Variants in GPR39 observed in about 807,000 individuals in gnomAD.
GPR39 encodes the protein G protein-coupled receptor 39, also known as zinc sensing receptor.
A neutral mutation model predicts 18.4 loss-of-function variants in GPR39; 23 were observed. The ratio of observed to expected loss-of-function variants is 1.25; its 90% CI spans 0.90 to 1.77. The LOEUF is 1.77. GPR39 is among the 40% of genes most tolerant of loss of function. The pLI is 0.00. For synonymous variants in GPR39, 280 were observed against 257.9 expected, an observed-to-expected ratio of 1.09 and a Z score of -0.82; for missense variants, 647 against 602.4, an observed-to-expected ratio of 1.07 and a Z score of -0.78.
intron 1 of GPR39, among the ~76,000 whole-genome samples, chr2:132,426,723 T>C (rs948418729): frequency 6.6e-6 from 1 of 152,238 alleles, no homozygotes; most frequent in African/African-American, 2.4e-5. Context: ...AGAGCCATTC[T>C]GGCAAGCAGA....
At position 132,646,041 on chromosome 2, in the gene GPR39, A is replaced by G; in HGVS notation, c.*435A>G. On this transcript the variant is annotated 3_prime_UTR_variant, in exon 2 of 2. Coordinates refer to ENST00000329321, the MANE Select transcript of GPR39 (RefSeq NM_001508.3). Reference sequence around the variant, plus strand: ...TGCAGGAGGGGGTGGCATCTCCTTCAGCTTCAGCAGTGTGCCGAGAAGAGG... The same window carrying G: ...TGCAGGAGGGGGTGGCATCTCCTTCGGCTTCAGCAGTGTGCCGAGAAGAGG... 1 of 1,539,816 alleles carries G rather than the reference A, an allele frequency of 6.5e-7. No individual in the cohort carries two copies. The highest frequency in any genetic ancestry group is 1.3e-5 in the South Asian group (1 of 80,000).
chr2:132,534,789 T>A (rs1679717884), intron 1 of GPR39, among the ~76,000 whole-genome samples: 1 of 149,998 alleles, frequency 6.7e-6, no homozygotes, highest in Admixed American at 6.7e-5. Flanking sequence ...AATTGAACAA[T>A]GAGAACACAT....
At chr2:132,429,044 C>T (rs1680177969) in intron 1 of GPR39, among the ~76,000 whole-genome samples, 3 of 152,302 alleles carry the variant, frequency 2.0e-5, no homozygotes, top group Non-Finnish European at 4.4e-5. Flanking sequence ...GCCAATTCTG[C>T]TCTATGATTT....
chr2:132,557,500 G>A (rs1162224611), intron 1 of GPR39, among the ~76,000 whole-genome samples: 1 of 152,098 alleles, frequency 6.6e-6, no homozygotes, highest in Non-Finnish European at 1.5e-5. Context: ...CAGAGAGTGG[G>A]TCATTTGGGA....
At chr2:132,547,499 T>C (rs934234071) in intron 1 of GPR39, among the ~76,000 whole-genome samples, 28 of 152,230 alleles carry the variant, frequency 1.8e-4, no homozygotes, top group African/African-American at 6.5e-4. Flanking sequence ...TTAGGTCTGA[T>C]GGTTTTTAAT....
chr2:132,428,447 T>C (rs1397926567), intron 1 of GPR39, among the ~76,000 whole-genome samples: 4 of 152,218 alleles, frequency 2.6e-5, no homozygotes, highest in African/African-American at 4.8e-5. Flanking sequence ...TGGCTGTTTA[T>C]GAAGTAAGCT....
intron 1 of GPR39, among the ~76,000 whole-genome samples, chr2:132,524,728 C>T (rs926845580): frequency 2.6e-5 from 4 of 152,114 alleles, no homozygotes; most frequent in Non-Finnish European, 4.4e-5. Context: ...AAATCTAGTA[C>T]CCACTGTCTG....
intron 1 of GPR39, among the ~76,000 whole-genome samples, chr2:132,610,307 C>T (rs1681217046): frequency 1.3e-5 from 2 of 152,096 alleles, no homozygotes; most frequent in Admixed American, 6.6e-5. Flanking sequence ...ACTTCCTAGG[C>T]GTAGTCATCA....
chr2:132,613,588 C>T (rs1263544716), intron 1 of GPR39, among the ~76,000 whole-genome samples: 1 of 152,228 alleles, frequency 6.6e-6, no homozygotes, highest in Non-Finnish European at 1.5e-5. Flanking sequence ...GCAAGCCCTT[C>T]AGGGGCAGAA....
chr2:132,505,883 A>G (rs1381898694), intron 1 of GPR39, among the ~76,000 whole-genome samples: 2 of 152,196 alleles, frequency 1.3e-5, no homozygotes, highest in Non-Finnish European at 2.9e-5. Context: ...TATATTTTTG[A>G]TACACCAACT....
chr2:132,504,663 G>A (rs2104753222), intron 1 of GPR39, among the ~76,000 whole-genome samples: 1 of 152,126 alleles, frequency 6.6e-6, no homozygotes, highest in East Asian at 1.9e-4. Context: ...CCTACTAGTG[G>A]CATTTTGTGT....
At chr2:132,592,406 C>T (rs1453319546) in intron 1 of GPR39, among the ~76,000 whole-genome samples, 1 of 152,072 alleles carries the variant, frequency 6.6e-6, no homozygotes, top group Non-Finnish European at 1.5e-5. Flanking sequence ...CCTGGTATGT[C>T]AAGTAAGGCT....
At chr2:132,637,115 T>A (rs1346450995) in intron 1 of GPR39, among the ~76,000 whole-genome samples, 1 of 152,258 alleles carries the variant, frequency 6.6e-6, no homozygotes, top group Non-Finnish European at 1.5e-5. Flanking sequence ...AGATTCCAGT[T>A]GATCATTTAT....
chr2:132,425,457 C>T (rs367970640), intron 1 of GPR39, among the ~76,000 whole-genome samples: 1 of 152,186 alleles, frequency 6.6e-6, no homozygotes, highest in African/African-American at 2.4e-5. Context: ...AGCACCCTCA[C>T]TGTGATCCTC....
At chr2:132,427,075 T>TATATATATAATATAC (rs1680131500) in intron 1 of GPR39, among the ~76,000 whole-genome samples, 1 of 142,304 alleles carries the variant, frequency 7.0e-6, no homozygotes, top group Non-Finnish European at 1.5e-5. Context: ...TATATGTACC[T>TATATATATAATATAC]ATATATATAA....
intron 1 of GPR39, among the ~76,000 whole-genome samples, chr2:132,481,502 A>G (rs1681233154): frequency 6.6e-6 from 1 of 152,204 alleles, no homozygotes; most frequent in African/African-American, 2.4e-5. Flanking sequence ...AGGATCTGGG[A>G]TTGGAATGGG....
intron 1 of GPR39, among the ~76,000 whole-genome samples, chr2:132,563,089 C>T (rs1011927308): frequency 6.6e-5 from 10 of 152,180 alleles, no homozygotes; most frequent in Non-Finnish European, 2.9e-5. Context: ...TGCCCATGTC[C>T]ACTCTGATTC....
chr2:132,522,555 G>A (rs979886402), intron 1 of GPR39, among the ~76,000 whole-genome samples: 1 of 152,190 alleles, frequency 6.6e-6, no homozygotes, highest in Non-Finnish European at 1.5e-5. Flanking sequence ...TTATTATCCT[G>A]ATTTCATGGA....
At chr2:132,593,013 C>T (rs1425977812) in intron 1 of GPR39, among the ~76,000 whole-genome samples, 1 of 152,154 alleles carries the variant, frequency 6.6e-6, no homozygotes, top group African/African-American at 2.4e-5. Flanking sequence ...CAGCAAGACC[C>T]ACAGAATTCA....
Sources: gnomAD v4.1 joint callset for allele counts (sites outside exome capture counted in the v4.1 genomes callset) on GRCh38, gnomAD v4.1.1 for gene constraint, MANE v1.5 for transcripts, NCBI Gene and HGNC (gene_info 2026-07-23, HGNC 2026-07-21) for gene names.